LTBP1: variants seen among roughly 807,000 people sequenced by gnomAD.
LTBP1 encodes the protein latent-transforming growth factor beta-binding protein 1.
In LTBP1, 129 loss-of-function variants were observed where a neutral mutation model predicts 207.6. The ratio of observed to expected loss-of-function variants is 0.62; its 90% CI spans 0.54 to 0.72. LTBP1 has a LOEUF of 0.72. Ranked by LOEUF, LTBP1 falls within the 30% of genes least tolerant of loss-of-function variation. LTBP1 has a pLI of 0.00. For missense variants in LTBP1, 2,281 were observed against 2,217.2 expected (o/e 1.03, Z -0.58); for synonymous variants, 963 against 833.7 (o/e 1.16, Z -2.67).
At chr2:32,993,679 C>G (rs1177027470) in intron 2 of LTBP1, among the ~76,000 whole-genome samples, 2 of 152,082 alleles carry the variant, frequency 1.3e-5, no homozygotes, top group African/African-American at 4.8e-5. Flanking sequence ...AAACAGGACT[C>G]CGTCTTTGGT....
At chr2:33,038,557 C>A (rs2076034346) in intron 3 of LTBP1, among the ~76,000 whole-genome samples, 1 of 152,192 alleles carries the variant, frequency 6.6e-6, no homozygotes, top group Non-Finnish European at 1.5e-5. Context: ...GACATCTCAG[C>A]CATATTTTAT....
At chr2:33,268,781 G>A (rs2093247223) in intron 15 of LTBP1, among the ~76,000 whole-genome samples, 1 of 152,190 alleles carries the variant, frequency 6.6e-6, no homozygotes, top group South Asian at 2.1e-4. Context: ...GGGCATTTTT[G>A]TAAACCTTTC....
At chr2:33,393,613 A>T (rs191952787) in intron 32 of LTBP1, among the ~76,000 whole-genome samples, 3,859 of 152,236 alleles carry the variant, frequency 0.025, 72 homozygotes, top group Middle Eastern at 0.092. Context: ...CCTACAAAGG[A>T]CATGAACTCA....
intron 25 of LTBP1, 97 bp downstream of exon 25, chr2:33,343,060 G>C: frequency 2.2e-6 from 3 of 1,334,852 alleles, no homozygotes; most frequent in Non-Finnish European, 3.0e-6. Context: ...AATTTGGGTA[G>C]AGCTTTATCG....
intron 31 of LTBP1, among the ~76,000 whole-genome samples, chr2:33,384,813 T>C (rs2095251700): frequency 6.6e-6 from 1 of 152,140 alleles, no homozygotes; most frequent in Non-Finnish European, 1.5e-5. Context: ...GACCTAGTCA[T>C]CGAGATAACC....
At chr2:33,170,117 G>A (rs544793929) in intron 5 of LTBP1, among the ~76,000 whole-genome samples, 35 of 152,306 alleles carry the variant, frequency 2.3e-4, no homozygotes, top group African/African-American at 7.9e-4. Context: ...CTGAGGTACC[G>A]GGTTCATCTC....
At chr2:33,372,265 C>T (rs533756197) in intron 31 of LTBP1, among the ~76,000 whole-genome samples, 22 of 152,272 alleles carry the variant, frequency 1.4e-4, no homozygotes, top group African/African-American at 4.8e-4. Context: ...GATCCCAAAG[C>T]ACATCTTAAA....
intron 5 of LTBP1, among the ~76,000 whole-genome samples, chr2:33,137,529 A>G (rs1423608868): frequency 6.6e-6 from 1 of 152,246 alleles, no homozygotes; most frequent in East Asian, 1.9e-4. Context: ...ATGAACAAGA[A>G]TAGGTGTGGC....
intron 24 of LTBP1, among the ~76,000 whole-genome samples, chr2:33,335,948 C>T (rs1371137008): frequency 6.6e-6 from 1 of 152,140 alleles, no homozygotes; most frequent in African/African-American, 2.4e-5. Flanking sequence ...GTTCCAGGAG[C>T]ACCGATGCTA....
chr2:33,236,754 G>C (rs1017773094), intron 9 of LTBP1, among the ~76,000 whole-genome samples: 1 of 152,214 alleles, frequency 6.6e-6, no homozygotes, highest in African/African-American at 2.4e-5. Flanking sequence ...ATTTCAAGGA[G>C]AAGTTAATGT....
intron 11 of LTBP1, among the ~76,000 whole-genome samples, chr2:33,254,971 C>T (rs2092809141): frequency 7.2e-6 from 1 of 139,160 alleles, no homozygotes; most frequent in Middle Eastern, 3.8e-3. Flanking sequence ...TACATGTGCA[C>T]ATTGTGCAGG....
intron 7 of LTBP1, among the ~76,000 whole-genome samples, chr2:33,215,905 G>T (rs535731294): frequency 1.3e-5 from 2 of 151,896 alleles, no homozygotes; most frequent in Non-Finnish European, 2.9e-5. Flanking sequence ...AGTAGAGACA[G>T]GGTTTCACCA....
intron 24 of LTBP1, among the ~76,000 whole-genome samples, chr2:33,324,697 A>ATT (rs2094403214): frequency 3.7e-5 from 5 of 136,166 alleles, no homozygotes; most frequent in South Asian, 2.3e-4. Context: ...ACTGTATTCT[A>ATT]TCTTTTTTTT....
At chr2:33,058,100 A>G (rs1238687579) in intron 3 of LTBP1, among the ~76,000 whole-genome samples, 3 of 152,192 alleles carry the variant, frequency 2.0e-5, no homozygotes, top group African/African-American at 7.2e-5. Context: ...ATAAACTGGG[A>G]CTTCTCAATT....
intron 3 of LTBP1, among the ~76,000 whole-genome samples, chr2:33,103,633 TA>T (rs2079889932): frequency 1.6e-5 from 2 of 122,946 alleles, no homozygotes; most frequent in Non-Finnish European, 3.7e-5. Context: ...GTGTGAGTGT[TA>T]TGCTGCCATG....
intron 10 of LTBP1, 119 bp from the exon 11 acceptor site, chr2:33,252,558 C>T (rs1453874546): frequency 4.4e-6 from 4 of 899,098 alleles, no homozygotes; most frequent in East Asian, 2.5e-5. Flanking sequence ...TAAATCTAGA[C>T]AGATTTATCC....
intron 7 of LTBP1, among the ~76,000 whole-genome samples, chr2:33,210,403 T>C (rs576657845): frequency 6.6e-6 from 1 of 152,214 alleles, no homozygotes; most frequent in Non-Finnish European, 1.5e-5. Flanking sequence ...TGGTAATTCT[T>C]TTTTACATTT....
chr2:33,021,320 A>G, intron 3 of LTBP1, 114 bp downstream of exon 3: 1 of 1,009,880 alleles, frequency 9.9e-7, no homozygotes, highest in Non-Finnish European at 1.4e-6. Context: ...CTTGGATAAT[A>G]ATGTTTTTCT....
Position 33,134,906 on chromosome 2 carries a change from A to G in LTBP1, c.1147A>G (p.Ile383Val), listed in dbSNP as rs1033849417. The change falls in exon 5 of 34, where the codon ATT becomes GTT. Residue 383 changes from isoleucine to valine, a missense_variant. Physicochemically the swap from Ile to Val is conservative, Grantham distance 29. Transcript: ENST00000404816. This position sits in a 1 kb window ranked among gnomAD's most constrained non-coding sequence, Gnocchi z 4.4. ...SCEKGNTTTL[I>V]SENGHAADTL... is the part of the protein sequence containing the mutation. ...TGAGAAGGGGAACACCACCACTCTCATTAGTGAGAATGGTCATGCTGCCGA... is the reference window on the plus strand; with the variant it reads ...TGAGAAGGGGAACACCACCACTCTCGTTAGTGAGAATGGTCATGCTGCCGA... 9.3e-6 allele frequency: 15 copies of G among 1,613,614 alleles called. No individual in the cohort carries two copies. The highest frequency in any genetic ancestry group is 1.2e-5 in the Non-Finnish European group (14 of 1,179,766).
Sources: allele counts gnomAD v4.1 joint callset (sites outside exome capture counted in the v4.1 genomes callset), GRCh38; gene constraint gnomAD v4.1.1; non-coding constraint Gnocchi (gnomAD v3.1); transcripts MANE v1.5; gene names NCBI Gene and HGNC (gene_info 2026-07-23, HGNC 2026-07-21).